The following CDH13 variants were observed in gnomAD, a reference collection of about 807,000 sequenced individuals.
CDH13 encodes the protein cadherin-13.
A neutral mutation model predicts 63.8 loss-of-function variants in CDH13; 24 were observed. That is an observed-to-expected ratio of 0.38 (90% CI 0.27 to 0.53). The LOEUF (loss-of-function observed/expected upper bound fraction) is 0.53. CDH13 is among the 20% of genes least tolerant of loss of function. The probability of loss-of-function intolerance (pLI) is 0.85; values close to 1 mark genes in which losing one functional copy is unlikely to be tolerated. For missense variants in CDH13, 1,049 were observed against 903.1 expected, an observed-to-expected ratio of 1.16 and a Z score of -2.07; for synonymous variants, 503 against 355.3, an observed-to-expected ratio of 1.42 and a Z score of -4.67.
At chr16:83,753,868 A>G (rs1846489248) in intron 11 of CDH13, among the ~76,000 whole-genome samples, 1 of 151,932 alleles carries the variant, frequency 6.6e-6, no homozygotes, top group South Asian at 2.1e-4. Context: ...TCTTAATTGT[A>G]AAGGAATCAG....
intron 8 of CDH13, among the ~76,000 whole-genome samples, chr16:83,616,375 C>G (rs947370046): frequency 4.6e-5 from 7 of 152,038 alleles, no homozygotes; most frequent in South Asian, 2.1e-4. Context: ...ATGTGTTGAT[C>G]CCCATCATCC....
At chr16:83,456,789 C>T (rs2073036189) in intron 6 of CDH13, among the ~76,000 whole-genome samples, 1 of 152,074 alleles carries the variant, frequency 6.6e-6, no homozygotes, top group African/African-American at 2.4e-5. Context: ...TGGCAAAACC[C>T]CGTCTCTACT....
At chr16:82,701,773 C>G (rs140699749) in intron 1 of CDH13, among the ~76,000 whole-genome samples, 1 of 152,096 alleles carries the variant, frequency 6.6e-6, no homozygotes, top group East Asian at 1.9e-4. Flanking sequence ...ATTTTATTGG[C>G]TCTTAACATG....
rs1247327702 is a variant in CDH13, at chr16:83,045,633, TTAA to T, written c.366+13416_366+13418del. Among the ~76,000 whole-genome samples, 135 of 84,502 alleles carry T rather than the reference TTAA, an allele frequency of 1.6e-3. 1 individual carries two copies. Among genetic ancestry groups the T allele is most frequent in the African/African-American group, 8.1e-3 (128 of 15,856 alleles). The allele number at this position is 84,502 out of a possible 152,430, so 55.4% of individuals were successfully genotyped here. A position where few individuals can be genotyped will look rare whatever the true frequency, so the allele number is the denominator to read the frequency against. ...GTCTGGGCGACAGATCAAGATTCCT[TTAA>T]AAAAAAAAAAAAAAAAAAAAAAAGA... On this transcript the variant is annotated intron_variant, in intron 3 of 13. Transcript: ENST00000567109.
At position 83,133,916 on chromosome 16, in the gene CDH13, G is replaced by A. The variant is rs188213856; in HGVS notation, c.483+8415G>A. ...CCACTAACTGTAATTCATCAGATGC[G>A]GTGGCCCAGGACAGGGCCTAACACA... is the stretch of plus-strand genomic sequence containing the variant. On this transcript the variant is annotated intron_variant, in intron 4 of 13. Coordinates refer to ENST00000567109, the MANE Select transcript of CDH13 (RefSeq NM_001257.5). 6.1e-3 allele frequency among the ~76,000 whole-genome samples: 931 copies of A among 152,246 alleles called. 3 individuals are homozygous for A. The highest frequency in any genetic ancestry group is 9.9e-3 in the Non-Finnish European group (675 of 68,006).
chr16:83,619,049 C>T (rs906298414), intron 8 of CDH13, among the ~76,000 whole-genome samples: 1 of 152,222 alleles, frequency 6.6e-6, no homozygotes, highest in Admixed American at 6.5e-5. Flanking sequence ...TGAGAAGCGT[C>T]ACCTTCAGCC....
chr16:83,011,199 A>C (rs1192529926), intron 2 of CDH13, among the ~76,000 whole-genome samples: 5 of 152,270 alleles, frequency 3.3e-5, no homozygotes, highest in African/African-American at 1.2e-4. Context: ...AGGTTTTTCT[A>C]CATCTACCAC....
intron 6 of CDH13, among the ~76,000 whole-genome samples, chr16:83,377,059 A>C (rs2091472798): frequency 6.6e-6 from 1 of 152,188 alleles, no homozygotes; most frequent in South Asian, 2.1e-4. Flanking sequence ...GAGCTATATC[A>C]GAATTAGACT....
intron 4 of CDH13, among the ~76,000 whole-genome samples, chr16:83,200,254 C>A (rs74738715): frequency 2.6e-5 from 4 of 152,152 alleles, no homozygotes; most frequent in South Asian, 2.1e-4. Flanking sequence ...TTAGCACCGT[C>A]GGCCAAGTTT....
intron 4 of CDH13, among the ~76,000 whole-genome samples, chr16:83,153,356 C>T (rs1162429837): frequency 1.3e-5 from 2 of 152,072 alleles, no homozygotes; most frequent in East Asian, 3.9e-4. Context: ...AATGCAGAGT[C>T]TGCACAACAC....
At chr16:83,383,393 C>G (rs562209850) in intron 6 of CDH13, among the ~76,000 whole-genome samples, 1 of 152,260 alleles carries the variant, frequency 6.6e-6, no homozygotes, top group East Asian at 1.9e-4. Flanking sequence ...TATTCCAGAT[C>G]ATCGATCTTG....
At chr16:83,270,830 G>T (rs1467390393) in intron 5 of CDH13, among the ~76,000 whole-genome samples, 3 of 151,964 alleles carry the variant, frequency 2.0e-5, no homozygotes, top group Non-Finnish European at 4.4e-5. Context: ...TGCAGATGCT[G>T]TGTTGCTCTT....
At chr16:82,638,123 GTCTT>G (rs985734941) in intron 1 of CDH13, among the ~76,000 whole-genome samples, 5 of 152,156 alleles carry the variant, frequency 3.3e-5, no homozygotes, top group African/African-American at 7.2e-5. Context: ...TCTTTCTGCT[GTCTT>G]TCTTTCTTTC....
At chr16:83,710,448 A>G (rs1285742970) in intron 10 of CDH13, 1 of 152,176 alleles carries the variant, frequency 6.6e-6, no homozygotes, top group Non-Finnish European at 1.5e-5. Flanking sequence ...CTGGCATGGA[A>G]CTTGGGCTAT....
At chr16:83,006,700 GC>G (rs1913534647) in intron 2 of CDH13, among the ~76,000 whole-genome samples, 1 of 152,148 alleles carries the variant, frequency 6.6e-6, no homozygotes, top group African/African-American at 2.4e-5. Context: ...CTAGCCAGGA[GC>G]CCTTACTGAT....
At chr16:83,376,714 G>C (rs995639320) in intron 6 of CDH13, among the ~76,000 whole-genome samples, 1 of 152,036 alleles carries the variant, frequency 6.6e-6, no homozygotes, top group African/African-American at 2.4e-5. Context: ...ATGGACTTGG[G>C]GGTTTCTGAT....
intron 6 of CDH13, among the ~76,000 whole-genome samples, chr16:83,401,986 G>A (rs2091975409): frequency 6.6e-6 from 1 of 152,116 alleles, no homozygotes; most frequent in South Asian, 2.1e-4. Context: ...GGCCACTAAA[G>A]CAATGACTTT....
chr16:83,392,734 G>C (rs910431021), intron 6 of CDH13, among the ~76,000 whole-genome samples: 2 of 152,168 alleles, frequency 1.3e-5, no homozygotes, highest in Non-Finnish European at 2.9e-5. Flanking sequence ...ACCAGCGCAC[G>C]AGGCAGAATC....
intron 2 of CDH13, among the ~76,000 whole-genome samples, chr16:83,007,785 C>T (rs1030448502): frequency 1.3e-5 from 2 of 150,610 alleles, no homozygotes; most frequent in Non-Finnish European, 2.9e-5. Context: ...GATCACACCA[C>T]TGCACTCTAG....
Sources: gnomAD v4.1 joint callset for allele counts (sites outside exome capture counted in the v4.1 genomes callset) on GRCh38, gnomAD v4.1.1 for gene constraint, MANE v1.5 for transcripts, NCBI Gene and HGNC (gene_info 2026-07-23, HGNC 2026-07-21) for gene names.